The following CPNE4 variants were observed in gnomAD, a reference collection of about 807,000 sequenced individuals.
CPNE4 encodes the protein copine 4.
Under a neutral mutation model 67.9 loss-of-function variants are expected in CPNE4, and 25 were observed. The ratio of observed to expected loss-of-function variants is 0.37; its 90% CI spans 0.27 to 0.51. The LOEUF is 0.51. Among genes scored for constraint, CPNE4 ranks in the 20% least tolerant of loss-of-function variants. The pLI, the probability that CPNE4 is intolerant of heterozygous loss-of-function variation, is 0.93. For missense variants in CPNE4, 464 were observed against 690.8 expected, an observed-to-expected ratio of 0.67 and a Z score of 3.68; for synonymous variants, 242 against 244.9, an observed-to-expected ratio of 0.99 and a Z score of 0.11.
At chr3:131,887,656 C>T (rs2087948867) in intron 2 of CPNE4, among the ~76,000 whole-genome samples, 1 of 152,062 alleles carries the variant, frequency 6.6e-6, no homozygotes, top group Non-Finnish European at 1.5e-5. Context: ...CATGCATTTC[C>T]TAAGTTTAAT....
intron 7 of CPNE4, among the ~76,000 whole-genome samples, chr3:131,601,400 G>T (rs553273325): frequency 2.1e-4 from 32 of 152,080 alleles, no homozygotes; most frequent in Admixed American, 1.8e-3. Context: ...GGTGATGGAC[G>T]TGCAAATAAA....
chr3:131,601,674 G>T (rs186219372), intron 7 of CPNE4, among the ~76,000 whole-genome samples: 1 of 152,294 alleles, frequency 6.6e-6, no homozygotes, highest in East Asian at 1.9e-4. Context: ...ACCGGATGGT[G>T]TAGAGATACT....
At chr3:131,687,251 TA>T (rs1385296851) in intron 5 of CPNE4, among the ~76,000 whole-genome samples, 1 of 152,226 alleles carries the variant, frequency 6.6e-6, no homozygotes, top group Non-Finnish European at 1.5e-5. Flanking sequence ...CCATCCCTTT[TA>T]AAAACTTGAT....
intron 1 of CPNE4, among the ~76,000 whole-genome samples, chr3:132,021,469 G>A (rs897268685): frequency 3.3e-5 from 5 of 152,170 alleles, no homozygotes; most frequent in African/African-American, 1.2e-4. Context: ...AAATGCAGGG[G>A]TTGTCTAACT....
At chr3:131,552,137 G>T (rs984361109) in intron 13 of CPNE4, among the ~76,000 whole-genome samples, 5 of 151,392 alleles carry the variant, frequency 3.3e-5, no homozygotes, top group African/African-American at 1.2e-4. Context: ...CTGCCTACCA[G>T]GTGAAGTTTC....
At chr3:131,966,519 A>AG (rs2072352158) in intron 1 of CPNE4, among the ~76,000 whole-genome samples, 1 of 152,202 alleles carries the variant, frequency 6.6e-6, no homozygotes, top group Non-Finnish European at 1.5e-5. Context: ...AATAGACACA[A>AG]TAAAAAATGA....
At chr3:132,024,376 G>T (rs141710034) in intron 1 of CPNE4, among the ~76,000 whole-genome samples, 1 of 152,104 alleles carries the variant, frequency 6.6e-6, no homozygotes. Flanking sequence ...GAGCCATTGC[G>T]CCCAGCCCTG....
chr3:131,635,456 G>A (rs1390924005), intron 7 of CPNE4, among the ~76,000 whole-genome samples: 2 of 152,074 alleles, frequency 1.3e-5, no homozygotes, highest in Non-Finnish European at 2.9e-5. Flanking sequence ...TTCCTATGCT[G>A]TCTAATAGGG....
rs1241428341 is a variant in CPNE4 at position 131,580,479 on chromosome 3, T to G, written c.867+1100A>C. Among the ~76,000 whole-genome samples, 4 of 150,484 alleles carry G rather than the reference T, an allele frequency of 2.7e-5. No homozygotes were observed. The East Asian group carries it at 7.8e-4, about 29-fold the overall frequency. The stretch of plus-strand genomic sequence containing the variant: ...ATATACACATATATGTATGCCTGTA[T>G]ACACACACACACGCACACACACACA... On this transcript the variant is annotated intron_variant, in intron 9 of 15. Transcript: ENST00000429747.
intron 8 of CPNE4, among the ~76,000 whole-genome samples, 194 bp downstream of exon 8, chr3:131,587,290 G>T (rs1938245002): frequency 6.6e-6 from 1 of 152,178 alleles, no homozygotes; most frequent in Admixed American, 6.5e-5. Context: ...TGGGGTCAGT[G>T]TCTTGTCCAA....
At chr3:131,562,223 A>G (rs1936811267) in intron 11 of CPNE4, among the ~76,000 whole-genome samples, 1 of 152,052 alleles carries the variant, frequency 6.6e-6, no homozygotes, top group Admixed American at 6.6e-5. Context: ...AAAGCTTTAC[A>G]AGATATACAT....
chr3:131,953,030 A>T (rs1024281089), intron 1 of CPNE4, among the ~76,000 whole-genome samples: 5 of 151,948 alleles, frequency 3.3e-5, no homozygotes, highest in African/African-American at 1.2e-4. Flanking sequence ...TGTTAAACAG[A>T]TGCTTGAAGG....
At chr3:131,587,020 A>G (rs1009664439) in intron 8 of CPNE4, among the ~76,000 whole-genome samples, 2 of 152,170 alleles carry the variant, frequency 1.3e-5, no homozygotes, top group African/African-American at 2.4e-5. Flanking sequence ...GGAAATATAG[A>G]CCTAGAAGGA....
chr3:131,741,714 G>A (rs1387542196), intron 2 of CPNE4, among the ~76,000 whole-genome samples: 1 of 152,018 alleles, frequency 6.6e-6, no homozygotes, highest in Non-Finnish European at 1.5e-5. Flanking sequence ...AGGTTTGGCG[G>A]GCAACTTTGC....
chr3:131,638,136 C>A (rs193027113), intron 7 of CPNE4, among the ~76,000 whole-genome samples: 10 of 151,518 alleles, frequency 6.6e-5, no homozygotes, highest in Non-Finnish European at 1.3e-4. Context: ...GAAAAAAAAA[C>A]CACAAGGTAT....
At chr3:131,961,159 A>G (rs535587615) in intron 1 of CPNE4, among the ~76,000 whole-genome samples, 1 of 152,374 alleles carries the variant, frequency 6.6e-6, no homozygotes, top group Admixed American at 6.5e-5. Context: ...ACTTTTGTAG[A>G]GAAAGTTAAA....
intron 1 of CPNE4, among the ~76,000 whole-genome samples, chr3:132,009,963 G>A (rs1444691715): frequency 6.6e-6 from 1 of 152,186 alleles, no homozygotes; most frequent in African/African-American, 2.4e-5. Flanking sequence ...CTGAAGTTGA[G>A]AACCCTTGGG....
intron 3 of CPNE4, among the ~76,000 whole-genome samples, chr3:131,705,451 A>G (rs79253338): frequency 2.3e-3 from 350 of 152,338 alleles, no homozygotes; most frequent in African/African-American, 8.0e-3. Flanking sequence ...AGATTTTTAA[A>G]AATTATCTTT....
intron 2 of CPNE4, among the ~76,000 whole-genome samples, chr3:131,865,967 C>G (rs987075034): frequency 6.6e-6 from 1 of 152,186 alleles, no homozygotes; most frequent in African/African-American, 2.4e-5. Flanking sequence ...CCAATATGGC[C>G]AGGCCTTTAC....
Sources: allele counts gnomAD v4.1 joint callset (sites outside exome capture counted in the v4.1 genomes callset), GRCh38; gene constraint gnomAD v4.1.1; transcripts MANE v1.5; gene names NCBI Gene and HGNC (gene_info 2026-07-23, HGNC 2026-07-21).